Variants in PEX19 observed in about 807,000 individuals in gnomAD.
PEX19 encodes the protein peroxisomal biogenesis factor 19.
A neutral mutation model predicts 36.3 loss-of-function variants in PEX19; 29 were observed. That is an observed-to-expected ratio of 0.80 (90% CI 0.60 to 1.09). The LOEUF (loss-of-function observed/expected upper bound fraction) is 1.09, where lower values mean the gene tolerates loss of function less well. Ranked by LOEUF, PEX19 falls within the 50% of genes least tolerant of loss-of-function variation. The pLI is 0.00. For synonymous variants in PEX19, 141 were observed against 135.2 expected (o/e 1.04, Z -0.30); for missense variants, 396 against 368.1 (o/e 1.08, Z -0.62).
At position 160,284,235 on chromosome 1, in the gene PEX19, T is replaced by C; in HGVS notation, c.71-596A>G. On this transcript the variant is annotated intron_variant, in intron 1 of 7. Coordinates refer to ENST00000368072, the MANE Select transcript of PEX19 (RefSeq NM_002857.4). ...TTGGCCTGATCTCTGCAGATAACCG[T>C]ACACTAATTTACACAGTCACTTGGC... 8.6e-6 allele frequency: 4 copies of C among 464,714 alleles called. No homozygotes were observed. The East Asian group carries it at 2.8e-4, about 32-fold the overall frequency. The allele number at this position is 464,714 out of a possible 1,614,324, so 28.8% of individuals were successfully genotyped here. A position where few individuals can be genotyped will look rare whatever the true frequency, so the allele number is the denominator to read the frequency against.
At position 160,278,919 on chromosome 1, in the gene PEX19, TG is replaced by T. The variant is rs1657646274; in HGVS notation, c.*631del. The T allele has an allele frequency of 2.2e-6, 1 of 454,104 alleles. No individual in the cohort carries two copies. The highest frequency in any genetic ancestry group is 1.6e-5 in the South Asian group (1 of 64,476). The allele number at this position is 454,104 out of a possible 1,614,324, so 28.1% of individuals were successfully genotyped here. A position where few individuals can be genotyped will look rare whatever the true frequency, so the allele number is the denominator to read the frequency against. Reference sequence around the variant, plus strand: ...AGGGTAACCATTTGAGTTCTCAGCCTGGAACAGGGAGGTGAGGGCTCAGCAC... The same window carrying T: ...AGGGTAACCATTTGAGTTCTCAGCCTGAACAGGGAGGTGAGGGCTCAGCAC... On this transcript the variant is annotated 3_prime_UTR_variant, in exon 8 of 8. Coordinates refer to ENST00000368072, the MANE Select transcript of PEX19 (RefSeq NM_002857.4).
At position 160,276,997 on chromosome 1, in the gene PEX19, G is replaced by C; in HGVS notation, c.*2554C>G. 4.4e-6 allele frequency: 2 copies of C among 454,096 alleles called. No homozygotes were observed. Among genetic ancestry groups the C allele is most frequent in the Non-Finnish European group, 8.8e-6 (2 of 226,798 alleles). The allele number at this position is 454,096 out of a possible 1,614,324, so 28.1% of individuals were successfully genotyped here. On this transcript the variant is annotated 3_prime_UTR_variant, in exon 8 of 8. Coordinates refer to ENST00000368072, the MANE Select transcript of PEX19 (RefSeq NM_002857.4). The stretch of plus-strand genomic sequence containing the variant: ...ACGATTATTTTTGAGCAGCAGAAAA[G>C]GAAGGCTAGAGAAATGCTAGAGATG...
rs529911701 is a variant in PEX19 at position 160,279,522 on chromosome 1, G to A, written c.*29C>T. The A allele has an allele frequency of 6.5e-5, 102 of 1,574,148 alleles. No individual in the cohort carries two copies. Among genetic ancestry groups the A allele is most frequent in the Admixed American group, 1.7e-4 (10 of 59,982 alleles). ...CTGACTCCAGATGTTCCCCATAGCT[G>A]GGACTCAGAGAGGAAAACGTGTTGT... On this transcript the variant is annotated 3_prime_UTR_variant, in exon 8 of 8. Transcript: ENST00000368072.
Position 160,279,529 on chromosome 1 carries a change from A to C in PEX19, c.*22T>G. The C allele has an allele frequency of 6.2e-7, 1 of 1,600,128 alleles. No individual in the cohort carries two copies. The highest frequency in any genetic ancestry group is 8.6e-7 in the Non-Finnish European group (1 of 1,167,232). On this transcript the variant is annotated 3_prime_UTR_variant, in exon 8 of 8. Transcript: ENST00000368072. ...CAGATGTTCCCCATAGCTGGGACTC[A>C]GAGAGGAAAACGTGTTGTGTTTCAC...
At position 160,278,313 on chromosome 1, in the gene PEX19, T is replaced by C. The variant is rs1403679878; in HGVS notation, c.*1238A>G. 7.2e-6 allele frequency: 5 copies of C among 691,992 alleles called. No homozygotes were observed. The highest frequency in any genetic ancestry group is 1.1e-5 in the Non-Finnish European group (4 of 380,034). 42.9% of individuals were successfully genotyped at this position (691,992 alleles called of 1,614,324 possible). A position where few individuals can be genotyped will look rare whatever the true frequency, so the allele number is the denominator to read the frequency against. ...CTACATTGAAATACTCAAGGGAACA[T>C]GAGGAAAGATGGCCATCCAGTCTCC... On this transcript the variant is annotated 3_prime_UTR_variant, in exon 8 of 8. Coordinates refer to ENST00000368072, the MANE Select transcript of PEX19 (RefSeq NM_002857.4).
Position 160,279,412 on chromosome 1 carries a change from G to C in PEX19, c.*139C>G, listed in dbSNP as rs1284601709. 1.3e-6 allele frequency: 1 copy of C among 771,228 alleles called. No individual in the cohort carries two copies. Among genetic ancestry groups the C allele is most frequent in the African/African-American group, 1.7e-5 (1 of 58,890 alleles). 47.8% of individuals were successfully genotyped at this position (771,228 alleles called of 1,614,324 possible). ...ACAGAGGAAAAACCTCAGCTGGTATGGCACAATCTTGAATGGGATGACAGA... is the reference window on the plus strand; with the variant it reads ...ACAGAGGAAAAACCTCAGCTGGTATCGCACAATCTTGAATGGGATGACAGA... On this transcript the variant is annotated 3_prime_UTR_variant, in exon 8 of 8. Coordinates refer to ENST00000368072, the MANE Select transcript of PEX19 (RefSeq NM_002857.4).
intron 7 of PEX19, 46 bp downstream of exon 7, chr1:160,279,755 A>G: frequency 6.3e-7 from 1 of 1,583,492 alleles, no homozygotes. Flanking sequence ...AGAATTCTGG[A>G]AATTGGGGAC....
intron 4 of PEX19, 104 bp downstream of exon 4, chr1:160,282,313 A>G: frequency 7.0e-7 from 1 of 1,427,212 alleles, no homozygotes; most frequent in African/African-American, 1.4e-5. Context: ...ACAATAAGAC[A>G]GCAACAGACT....
rs1344759495 is a variant in PEX19 at position 160,280,133 on chromosome 1, G to A, written c.708C>T (p.Thr236=). The A allele has an allele frequency of 1.2e-6, 2 of 1,613,848 alleles. No homozygotes were observed. The highest frequency in any genetic ancestry group is 1.7e-5 in the Admixed American group (1 of 60,004). Residue 236 remains threonine (T), a synonymous_variant, in exon 6 of 8, where the codon ACC becomes ACT. Coordinates refer to ENST00000368072, the MANE Select transcript of PEX19 (RefSeq NM_002857.4). Reference sequence around the variant, plus strand: ...TTTGAGTGGTTTCACTGTCTGTGGGGGTCTCTGCCTCAAACTGCTCACATA... The same window carrying A: ...TTTGAGTGGTTTCACTGTCTGTGGGAGTCTCTGCCTCAAACTGCTCACATA... ...CKICEQFEAE[T]PTDSETTQKA...
chr1:160,280,551 C>G (rs1657733334), intron 5 of PEX19, among the ~76,000 whole-genome samples: 1 of 151,464 alleles, frequency 6.6e-6, no homozygotes, highest in Admixed American at 6.6e-5. Flanking sequence ...GAGTTTTACT[C>G]TGTCACCCAG....
rs771085379 is a variant in PEX19, at chr1:160,280,109, T to C, written c.732A>G (p.Gln244=). The C allele has an allele frequency of 3.7e-6, 6 of 1,614,016 alleles. No individual in the cohort carries two copies. Among genetic ancestry groups the C allele is most frequent in the Non-Finnish European group, 5.1e-6 (6 of 1,179,882 alleles). ...CCAGCACCATCTCAAAACGAGCCTT[T>C]TGAGTGGTTTCACTGTCTGTGGGGG... ...AETPTDSETT[Q]KARFEMVLDL... is the part of the protein sequence containing the mutation. The change falls in exon 6 of 8, where the codon CAA becomes CAG. Residue 244 remains glutamine (Q), a synonymous_variant. Coordinates refer to ENST00000368072, the MANE Select transcript of PEX19 (RefSeq NM_002857.4).
chr1:160,283,974 CCATA>C (rs1461482462), intron 1 of PEX19, among the ~76,000 whole-genome samples: 1 of 152,110 alleles, frequency 6.6e-6, no homozygotes, highest in African/African-American at 2.4e-5. Context: ...CCTAGAAATC[CCATA>C]CAAATACCCA....
At chr1:160,281,527 T>TCCTGAGTAGTTGCGATCAC (rs1657772222) in intron 5 of PEX19, among the ~76,000 whole-genome samples, 1 of 152,200 alleles carries the variant, frequency 6.6e-6, no homozygotes, top group African/African-American at 2.4e-5. Context: ...TCCTGCTGCC[T>TCCTGAGTAGTTGCGATCAC]CCTGAGTAGT....
chr1:160,280,196 A>T lies in PEX19; in HGVS notation c.645T>A (p.Phe215Leu). ...SHRESLPPEQ[F>L]EKYQEQHSVM... Reference sequence around the variant, plus strand: ...CGCTGTGCTGCTCCTGATATTTTTCAAACTGCTCTGGAGGTAGAGATTCCC... The same window carrying T: ...CGCTGTGCTGCTCCTGATATTTTTCTAACTGCTCTGGAGGTAGAGATTCCC... The change falls in exon 6 of 8, where the codon TTT becomes TTA. Residue 215 changes from phenylalanine to leucine, a missense_variant. Phe to Leu is a conservative substitution (Grantham distance 22). Transcript: ENST00000368072. The T allele has an allele frequency of 6.2e-7, 1 of 1,614,088 alleles. No individual in the cohort carries two copies. Among genetic ancestry groups the T allele is most frequent in the African/African-American group, 1.3e-5 (1 of 75,056 alleles).
chr1:160,282,223 G>T (rs539610788), intron 4 of PEX19, 23 bp from the exon 5 acceptor site: 9 of 1,613,450 alleles, frequency 5.6e-6, no homozygotes, highest in East Asian at 2.2e-5. Flanking sequence ...AGTAAGAGGT[G>T]AGCAGGTATA....
Position 160,283,014 on chromosome 1 carries a change from C to A in PEX19, c.276G>T (p.Lys92Asn). The A allele has an allele frequency of 6.2e-7, 1 of 1,614,218 alleles. No individual in the cohort carries two copies. The highest frequency in any genetic ancestry group is 1.1e-5 in the South Asian group (1 of 91,088). ...QATAEFEKAM[K>N]ELAEEEPHLV... ...GGTGGGGTTCTTCCTCAGCCAACTC[C>A]TTCATTGCCTTCTCGAACTCCGCAG... The change falls in exon 3 of 8, where the codon AAG becomes AAT. Residue 92 changes from lysine (K) to asparagine (N), a missense_variant. By Grantham distance (94) the Lys-to-Asn change is moderately conservative. Coordinates refer to ENST00000368072, the MANE Select transcript of PEX19 (RefSeq NM_002857.4).
rs886045443 is a variant in PEX19 at position 160,278,553 on chromosome 1, C to T, written c.*998G>A. ...AAAAGGGACCCAAGCTATACCCCTA[C>T]TCCTTTTCCAAGCTACTTTCCTGAA... On this transcript the variant is annotated 3_prime_UTR_variant, in exon 8 of 8. Coordinates refer to ENST00000368072, the MANE Select transcript of PEX19 (RefSeq NM_002857.4). 4.3e-6 allele frequency: 2 copies of T among 463,552 alleles called. No individual in the cohort carries two copies. Among genetic ancestry groups the T allele is most frequent in the South Asian group, 1.5e-5 (1 of 64,578 alleles). The allele number at this position is 463,552 out of a possible 1,614,324, so 28.7% of individuals were successfully genotyped here. A position where few individuals can be genotyped will look rare whatever the true frequency, so the allele number is the denominator to read the frequency against.
intron 5 of PEX19, among the ~76,000 whole-genome samples, chr1:160,280,888 T>C (rs961943120): frequency 2.0e-5 from 3 of 152,122 alleles, no homozygotes; most frequent in Non-Finnish European, 4.4e-5. Flanking sequence ...TGCTAGAGAG[T>C]TGGATTTGTC....
chr1:160,284,251 G>C, intron 1 of PEX19: 1 of 459,960 alleles, frequency 2.2e-6, no homozygotes, highest in South Asian at 1.6e-5. Context: ...AATTTACACA[G>C]TCACTTGGCA....
Sources: gnomAD v4.1 joint callset for allele counts (sites outside exome capture counted in the v4.1 genomes callset) on GRCh38, gnomAD v4.1.1 for gene constraint, MANE v1.5 for transcripts, NCBI Gene and HGNC (gene_info 2026-07-23, HGNC 2026-07-21) for gene names.